The following WNT2B variants were observed in gnomAD, a reference collection of about 807,000 sequenced individuals.
The protein encoded by WNT2B is protein Wnt-2b.
A neutral mutation model predicts 40.5 loss-of-function variants in WNT2B; 19 were observed. That is an observed-to-expected ratio of 0.47 (90% CI 0.33 to 0.69). The LOEUF (loss-of-function observed/expected upper bound fraction) is 0.69. Ranked by LOEUF, WNT2B falls within the 30% of genes least tolerant of loss-of-function variation. The pLI is 0.02. For missense variants in WNT2B, 467 were observed against 556.4 expected (o/e 0.84, Z 1.62); for synonymous variants, 220 against 211.9 (o/e 1.04, Z -0.33).
intron 1 of WNT2B, among the ~76,000 whole-genome samples, chr1:112,484,783 A>G (rs1458589516): frequency 1.3e-5 from 2 of 152,022 alleles, no homozygotes; most frequent in African/African-American, 4.8e-5. Flanking sequence ...TAGCAATGGA[A>G]GTAGAAATTA....
chr1:112,518,207 A>G (rs1652663767), intron 4 of WNT2B: 1 of 152,262 alleles, frequency 6.6e-6, no homozygotes, highest in Non-Finnish European at 1.5e-5. Context: ...TTTTTCCCCA[A>G]GGGAATGAAA....
rs757533553 is a variant in WNT2B at position 112,509,328 on chromosome 1, C to G, written c.66C>G (p.Val22=). ...QLPLRRASAP[V]PVPSPAAPDG... is the part of the protein sequence containing the mutation. ...CGCTTCGGCGCGCCAGCGCCCCGGT[C>G]CCTGTGCCGTCGCCCGCGGCCCCCG... Residue 22 remains valine, a synonymous_variant, in exon 1 of 5, where the codon GTC becomes GTG. Transcript: ENST00000369684. The surrounding 1 kb of genome is among the most constrained non-coding windows in gnomAD (Gnocchi z 4.2). The G allele has an allele frequency of 1.6e-5, 25 of 1,587,050 alleles. No individual in the cohort carries two copies. Among genetic ancestry groups the G allele is most frequent in the Non-Finnish European group, 2.1e-5 (25 of 1,173,302 alleles).
intron 1 of WNT2B, among the ~76,000 whole-genome samples, chr1:112,487,389 C>T (rs1246013504): frequency 6.6e-6 from 1 of 152,086 alleles, no homozygotes; most frequent in Non-Finnish European, 1.5e-5. Flanking sequence ...GGGTTACCTC[C>T]TAATAAACCT....
chr1:112,526,199 G>C lies in WNT2B; in HGVS notation c.*5690G>C. The C allele has an allele frequency of 6.3e-7, 1 of 1,578,040 alleles. No homozygotes were observed. Among genetic ancestry groups the C allele is most frequent in the African/African-American group, 1.3e-5 (1 of 74,164 alleles). On this transcript the variant is annotated 3_prime_UTR_variant, in exon 5 of 5. Transcript: ENST00000369684. ...AGTATATCTGAGCACAGTTTACAAAGGAACAGCCTAGGCCCTCCTGAACCT... is the reference window on the plus strand; with the variant it reads ...AGTATATCTGAGCACAGTTTACAAACGAACAGCCTAGGCCCTCCTGAACCT...
At chr1:112,476,266 T>C (rs1409888219) in intron 1 of WNT2B, among the ~76,000 whole-genome samples, 1 of 152,064 alleles carries the variant, frequency 6.6e-6, no homozygotes, top group African/African-American at 2.4e-5. Context: ...ATGTAACATA[T>C]CAATATTTAT....
intron 1 of WNT2B, among the ~76,000 whole-genome samples, chr1:112,490,011 A>G (rs895278171): frequency 6.6e-6 from 1 of 152,246 alleles, no homozygotes; most frequent in African/African-American, 2.4e-5. Context: ...AGAAATACAC[A>G]TGCAAACAAC....
At chr1:112,506,318 A>C (rs912013526), upstream of WNT2B, among the ~76,000 whole-genome samples, 1 of 152,168 alleles carries the variant, frequency 6.6e-6, no homozygotes, top group African/African-American at 2.4e-5. Context: ...ATGCTTTAAT[A>C]CTTGAGCATC....
intron 1 of WNT2B, among the ~76,000 whole-genome samples, chr1:112,472,646 C>T (rs544796929): frequency 6.8e-6 from 1 of 147,656 alleles, no homozygotes; most frequent in South Asian, 2.1e-4. Flanking sequence ...TATAGGAAAA[C>T]AAAAATGTCC....
chr1:112,469,969 G>A (rs1327772861), intron 1 of WNT2B, among the ~76,000 whole-genome samples: 1 of 152,114 alleles, frequency 6.6e-6, no homozygotes, highest in Non-Finnish European at 1.5e-5. Context: ...TTATTTCTGA[G>A]TAGCTCATCT....
intron 1 of WNT2B, among the ~76,000 whole-genome samples, chr1:112,481,976 A>G (rs1425959256): frequency 2.0e-5 from 3 of 152,034 alleles, no homozygotes; most frequent in African/African-American, 4.8e-5. Context: ...GTGAAACCCC[A>G]TCTCTACTAA....
intron 1 of WNT2B, among the ~76,000 whole-genome samples, chr1:112,512,213 G>A (rs994603538): frequency 7.2e-5 from 11 of 152,204 alleles, no homozygotes; most frequent in Admixed American, 2.0e-4. Flanking sequence ...GAGGGAGAAG[G>A]GAGTTGGGGA....
Position 112,509,250 on chromosome 1 carries a change from T to C in WNT2B, c.-13T>C. On this transcript the variant is annotated 5_prime_UTR_variant, in exon 1 of 5. Coordinates refer to ENST00000369684, the MANE Select transcript of WNT2B (RefSeq NM_024494.3). This position sits in a 1 kb window ranked among gnomAD's most constrained non-coding sequence, Gnocchi z 4.2. ...GCCCCTCCGGGCTGCGCGGCGGGAG[T>C]CTTCGGGGAGCTATGCTGAGACCGG... The C allele has an allele frequency of 6.6e-7, 1 of 1,507,602 alleles. No individual in the cohort carries two copies. 93.4% of individuals were successfully genotyped at this position (1,507,602 alleles called of 1,614,324 possible).
intron 1 of WNT2B, among the ~76,000 whole-genome samples, chr1:112,499,226 C>T (rs1651872252): frequency 6.8e-6 from 1 of 146,294 alleles, no homozygotes; most frequent in Admixed American, 6.8e-5. Context: ...AAAAAAGCCA[C>T]TTCCACTAAG....
At position 112,515,103 on chromosome 1, in the gene WNT2B, C is replaced by G. The variant is rs765762096; in HGVS notation, c.403+9C>G. On this transcript the variant is annotated intron_variant, in intron 2 of 4. Transcript: ENST00000369684. The surrounding 1 kb of genome is among the most constrained non-coding windows in gnomAD (Gnocchi z 4.4). ...CCGTGTCATGCTCAGAAGTAAGAGC[C>G]TCTTCCATCCTGTGTCAGCTCCTTC... The G allele has an allele frequency of 2.5e-6, 4 of 1,612,280 alleles. No homozygotes were observed. The South Asian group carries it at 4.4e-5, about 18-fold the overall frequency.
At chr1:112,489,521 G>A (rs1174676134) in intron 1 of WNT2B, among the ~76,000 whole-genome samples, 3 of 152,052 alleles carry the variant, frequency 2.0e-5, no homozygotes, top group African/African-American at 4.8e-5. Context: ...CCGAGATCAC[G>A]CCATTGCACT....
chr1:112,505,101 C>A (rs1200197601), upstream of WNT2B, among the ~76,000 whole-genome samples: 1 of 152,236 alleles, frequency 6.6e-6, no homozygotes, highest in Non-Finnish European at 1.5e-5. Context: ...CTTCTTTGGG[C>A]ACCCACTTTT....
intron 1 of WNT2B, among the ~76,000 whole-genome samples, chr1:112,499,544 T>C (rs996193381): frequency 6.6e-5 from 10 of 151,888 alleles, no homozygotes; most frequent in Admixed American, 5.2e-4. Context: ...AAAGGAAAAA[T>C]CACATGATCA....
At chr1:112,469,813 C>T (rs765469013) in intron 1 of WNT2B, among the ~76,000 whole-genome samples, 6 of 152,054 alleles carry the variant, frequency 3.9e-5, no homozygotes, top group Non-Finnish European at 7.4e-5. Flanking sequence ...GGGGTTTCAC[C>T]GTGTTAGCCA....
At position 112,521,311 on chromosome 1, in the gene WNT2B, CTTTTTTTTTT is replaced by C. The variant is rs5777124; in HGVS notation, c.*813_*822del. 8.2e-6 allele frequency: 1 copy of C among 122,100 alleles called. No homozygotes were observed. Among genetic ancestry groups the C allele is most frequent in the East Asian group, 2.4e-4 (1 of 4,102 alleles). 7.6% of individuals were successfully genotyped at this position (122,100 alleles called of 1,614,324 possible). A position where few individuals can be genotyped will look rare whatever the true frequency, so the allele number is the denominator to read the frequency against. ...TAAGTCTGGCTAGGCCTTGTGTTGC[CTTTTTTTTTT>C]TTTTTTTTTTCTTTTCTTTTCTTCT... On this transcript the variant is annotated 3_prime_UTR_variant, in exon 5 of 5. Coordinates refer to ENST00000369684, the MANE Select transcript of WNT2B (RefSeq NM_024494.3).
Sources: gnomAD v4.1 joint callset for allele counts (sites outside exome capture counted in the v4.1 genomes callset) on GRCh38, gnomAD v4.1.1 for gene constraint, Gnocchi (gnomAD v3.1) non-coding constraint, MANE v1.5 for transcripts, NCBI Gene and HGNC (gene_info 2026-07-23, HGNC 2026-07-21) for gene names.